SLC44A3: variants seen among roughly 807,000 people sequenced by gnomAD.
The protein encoded by SLC44A3 is choline transporter-like protein 3.
In SLC44A3, 74 loss-of-function variants were observed where a neutral mutation model predicts 75.4. The ratio of observed to expected loss-of-function variants is 0.98; its 90% CI spans 0.81 to 1.19. SLC44A3 has a LOEUF of 1.19. Ranked by LOEUF, SLC44A3 falls within the 50% of genes most tolerant of loss-of-function variation. The probability of loss-of-function intolerance (pLI) is 0.00; values close to 1 mark genes in which losing one functional copy is unlikely to be tolerated. For synonymous variants in SLC44A3, 310 were observed against 296.9 expected (o/e 1.04, Z -0.45); for missense variants, 700 against 778.6 (o/e 0.90, Z 1.20).
At chr1:94,857,738 G>A (rs935549637) in intron 10 of SLC44A3, among the ~76,000 whole-genome samples, 1 of 149,556 alleles carries the variant, frequency 6.7e-6, no homozygotes, top group East Asian at 2.0e-4. Flanking sequence ...TTAGAAAGAA[G>A]ACAAACAGAA....
chr1:94,873,847 G>C (rs573355222), intron 12 of SLC44A3, among the ~76,000 whole-genome samples: 1 of 152,308 alleles, frequency 6.6e-6, no homozygotes, highest in Admixed American at 6.5e-5. Context: ...CACTAGATTA[G>C]GAAAATGATG....
In SLC44A3 at chr1:94,892,621, T is replaced by C. The variant is rs993383414; in HGVS notation, c.1857+104T>C. 5 of 1,147,714 alleles carry C rather than the reference T, an allele frequency of 4.4e-6. No individual in the cohort carries two copies. The African/African-American group carries it at 7.7e-5, about 18-fold the overall frequency. 71.1% of individuals were successfully genotyped at this position (1,147,714 alleles called of 1,614,324 possible). On this transcript the variant is annotated intron_variant, in intron 14 of 14. Coordinates refer to ENST00000271227, the MANE Select transcript of SLC44A3 (RefSeq NM_001114106.3). ...AGGCTCATACCCAGCCTCTCTCTTC[T>C]AGAGGGCTCTGAGGCTTCTACTACC... is the stretch of plus-strand genomic sequence containing the variant.
intron 10 of SLC44A3, among the ~76,000 whole-genome samples, chr1:94,860,736 G>A (rs1666468817): frequency 1.3e-5 from 2 of 152,214 alleles, no homozygotes; most frequent in Non-Finnish European, 2.9e-5. Context: ...GAAGAACAAA[G>A]TCATGCACAG....
At chr1:94,856,770 A>T (rs1665925391) in intron 9 of SLC44A3, among the ~76,000 whole-genome samples, 1 of 151,720 alleles carries the variant, frequency 6.6e-6, no homozygotes, top group Non-Finnish European at 1.5e-5. Flanking sequence ...TTGCTCTGTC[A>T]CCCAGGCTGG....
intron 12 of SLC44A3, among the ~76,000 whole-genome samples, chr1:94,889,756 A>G (rs904446064): frequency 1.3e-5 from 2 of 152,232 alleles, no homozygotes; most frequent in Non-Finnish European, 2.9e-5. Context: ...AAAATTATAA[A>G]AGCCATGTAG....
chr1:94,888,101 G>A (rs1343836590), intron 12 of SLC44A3, among the ~76,000 whole-genome samples: 2 of 152,126 alleles, frequency 1.3e-5, no homozygotes, highest in Non-Finnish European at 2.9e-5. Context: ...TTATAGATGA[G>A]GAAATTGAGG....
At chr1:94,882,001 G>C (rs1031288644) in intron 12 of SLC44A3, among the ~76,000 whole-genome samples, 2 of 151,814 alleles carry the variant, frequency 1.3e-5, no homozygotes, top group Admixed American at 1.3e-4. Context: ...GCCTGGGTGA[G>C]AGAGCGAGAC....
At chr1:94,885,212 G>T (rs187203058) in intron 12 of SLC44A3, among the ~76,000 whole-genome samples, 237 of 88,934 alleles carry the variant, frequency 2.7e-3, no homozygotes, top group African/African-American at 0.01. Flanking sequence ...GCGACAGAGT[G>T]AGACTCCCTC....
At chr1:94,849,008 G>A (rs1571272200) in intron 9 of SLC44A3, among the ~76,000 whole-genome samples, 2 of 152,158 alleles carry the variant, frequency 1.3e-5, no homozygotes, top group East Asian at 3.9e-4. Context: ...TCAGAAAGGA[G>A]CAAGCCCCAA....
rs764342737 is a variant in SLC44A3 at position 94,842,089 on chromosome 1, G to A, written c.850G>A (p.Val284Met). 1.7e-5 allele frequency: 28 copies of A among 1,612,766 alleles called. No homozygotes were observed. Among genetic ancestry groups the A allele is most frequent in the South Asian group, 7.7e-5 (7 of 90,808 alleles). The change falls in exon 8 of 15, where the codon GTG becomes ATG. Residue 284 changes from valine (V) to methionine (M), a missense_variant. Coordinates refer to ENST00000271227, the MANE Select transcript of SLC44A3 (RefSeq NM_001114106.3). ...CACAGAAAGGGAAAATATGAAGTGC[G>A]TGCTGGGGTTTGCTATCGTATCCAC... ...LDTERENMKC[V>M]LGFAIVSTGI...
chr1:94,892,153 A>T (rs1304906407), intron 13 of SLC44A3, 128 bp from the exon 14 acceptor site: 2 of 862,960 alleles, frequency 2.3e-6, no homozygotes, highest in South Asian at 1.8e-5. Context: ...ATTTCTGACA[A>T]GCATTCTTTA....
At chr1:94,879,705 G>A (rs1245215101) in intron 12 of SLC44A3, among the ~76,000 whole-genome samples, 1 of 151,468 alleles carries the variant, frequency 6.6e-6, no homozygotes, top group Non-Finnish European at 1.5e-5. Context: ...TGGGTGTGGT[G>A]GCAGGTGCCT....
chr1:94,882,166 G>T (rs1422511228), intron 12 of SLC44A3, among the ~76,000 whole-genome samples: 1 of 152,186 alleles, frequency 6.6e-6, no homozygotes, highest in South Asian at 2.1e-4. Flanking sequence ...TGCGTATTAG[G>T]TAGGTATTAT....
chr1:94,849,266 G>C (rs1480648004), intron 9 of SLC44A3, among the ~76,000 whole-genome samples: 1 of 152,122 alleles, frequency 6.6e-6, no homozygotes, highest in East Asian at 1.9e-4. Context: ...AAGGAAACTG[G>C]GTGCCCCGGA....
rs569559152 is a variant in SLC44A3, at chr1:94,849,501, G to A, written c.1072+4037G>A. Among the ~76,000 whole-genome samples, 3 of 152,248 alleles carry A rather than the reference G, an allele frequency of 2.0e-5. No individual in the cohort carries two copies. The East Asian group carries it at 5.8e-4, about 30-fold the overall frequency. ...CCAGAGAGCCTGGCTCTGCGGCTGG[G>A]CAGATCAGCAGCTGAATCACTTTTT... On this transcript the variant is annotated intron_variant, in intron 9 of 14. Coordinates refer to ENST00000271227, the MANE Select transcript of SLC44A3 (RefSeq NM_001114106.3).
chr1:94,889,563 CTT>C (rs1267963923), intron 12 of SLC44A3, among the ~76,000 whole-genome samples: 1 of 136,316 alleles, frequency 7.3e-6, no homozygotes, highest in Non-Finnish European at 1.6e-5. Context: ...CATTTGTAGT[CTT>C]TGATATAGTA....
chr1:94,827,466 G>A (rs202089562), intron 3 of SLC44A3, 41 bp from the exon 4 acceptor site: 9 of 1,611,232 alleles, frequency 5.6e-6, no homozygotes, highest in Non-Finnish European at 5.9e-6. Flanking sequence ...CCAGTGAGAA[G>A]CAATGCTCTA....
intron 12 of SLC44A3, among the ~76,000 whole-genome samples, chr1:94,876,138 T>C (rs1374369986): frequency 6.6e-6 from 1 of 152,208 alleles, no homozygotes; most frequent in Non-Finnish European, 1.5e-5. Flanking sequence ...TCATCTGTGA[T>C]CACAGCTAGG....
chr1:94,862,440 A>G (rs1181813901), intron 10 of SLC44A3, among the ~76,000 whole-genome samples: 1 of 152,248 alleles, frequency 6.6e-6, no homozygotes, highest in Non-Finnish European at 1.5e-5. Flanking sequence ...GGGAGTAGAA[A>G]TTACAAAACA....
Sources: gnomAD v4.1 joint callset for allele counts (sites outside exome capture counted in the v4.1 genomes callset) on GRCh38, gnomAD v4.1.1 for gene constraint, MANE v1.5 for transcripts, NCBI Gene and HGNC (gene_info 2026-07-23, HGNC 2026-07-21) for gene names.